Variants in LRRC75A observed in about 807,000 individuals in gnomAD.
The protein encoded by LRRC75A is leucine rich repeat containing 75A, also known as leucine-rich repeat-containing protein 75A.
LRRC75A carries 12 observed loss-of-function variants against 26.0 expected under a neutral mutation model. The ratio of observed to expected loss-of-function variants is 0.46; its 90% confidence interval spans 0.30 to 0.75. The LOEUF (loss-of-function observed/expected upper bound fraction) is 0.75, where lower values mean the gene tolerates loss of function less well. LRRC75A is among the 30% of genes least tolerant of loss of function. LRRC75A has a pLI of 0.08. For synonymous variants in LRRC75A, 223 were observed against 219.3 expected (o/e 1.02, Z -0.15); for missense variants, 410 against 486.6 (o/e 0.84, Z 1.48).
intron 2 of LRRC75A, among the ~76,000 whole-genome samples, chr17:16,448,867 G>A (rs559012990): frequency 1.8e-4 from 28 of 152,326 alleles, no homozygotes; most frequent in African/African-American, 5.8e-4. Context: ...TGTGCGAAAC[G>A]AACTGTCTGC....
At chr17:16,465,190 T>G (rs1439877222) in intron 1 of LRRC75A, among the ~76,000 whole-genome samples, 1 of 152,190 alleles carries the variant, frequency 6.6e-6, no homozygotes, top group Admixed American at 6.5e-5. Flanking sequence ...GCTTTGCCCC[T>G]GGGCACCCCT....
chr17:16,444,563 C>T (rs1177920474), intron 3 of LRRC75A, among the ~76,000 whole-genome samples: 4 of 152,128 alleles, frequency 2.6e-5, no homozygotes, highest in Non-Finnish European at 4.4e-5. Context: ...CACAAAGGAT[C>T]TCTGAGTCCC....
At position 16,462,500 on chromosome 17, in the gene LRRC75A, C is replaced by A; in HGVS notation, c.247-114G>T. 1 of 1,394,758 alleles carries A rather than the reference C, an allele frequency of 7.2e-7. No homozygotes were observed. Among genetic ancestry groups the A allele is most frequent in the Non-Finnish European group, 9.7e-7 (1 of 1,033,222 alleles). The allele number at this position is 1,394,758 out of a possible 1,614,324, so 86.4% of individuals were successfully genotyped here. A position where few individuals can be genotyped will look rare whatever the true frequency, so the allele number is the denominator to read the frequency against. On this transcript the variant is annotated intron_variant, in intron 1 of 3. Transcript: ENST00000470794. The surrounding 1 kb of genome is among the most constrained non-coding windows in gnomAD (Gnocchi z 4.6). ...GAGGCGACTCTGCCTCCCAGAGCCC[C>A]GGTGGGGAGCATCTGCAGAACTTCC...
chr17:16,449,908 C>T (rs1426351075), intron 2 of LRRC75A, among the ~76,000 whole-genome samples: 1 of 152,158 alleles, frequency 6.6e-6, no homozygotes, highest in African/African-American at 2.4e-5. Flanking sequence ...TGAGCCACCG[C>T]GCCCAGGCTG....
chr17:16,476,832 G>A (rs748338328), intron 1 of LRRC75A, among the ~76,000 whole-genome samples: 105 of 148,970 alleles, frequency 7.0e-4, no homozygotes, highest in Non-Finnish European at 1.3e-3. Flanking sequence ...TCCGCCTCCC[G>A]GGTTCACGCC....
rs1344771645 is a variant in LRRC75A, at chr17:16,444,128, G to A, written c.495C>T (p.Leu165=). The change falls in exon 4 of 4, where the codon CTC becomes CTT. Residue 165 remains leucine, a synonymous_variant. Transcript: ENST00000470794. The stretch of plus-strand genomic sequence containing the variant: ...GGGGGCTTCCGGCCAGGACAGCCTT[G>A]AGGCTGAAGGGAAAAAGGACAAACA... ...GLVKRKPQAC[L]KAVLAGSPPD... is the part of the protein sequence containing the mutation. 1 of 1,588,538 alleles carries A rather than the reference G, an allele frequency of 6.3e-7. No homozygotes were observed. The highest frequency in any genetic ancestry group is 1.7e-5 in the Admixed American group (1 of 58,026).
intron 1 of LRRC75A, chr17:16,478,351 AATTTTTGT>A (rs1250741088): frequency 1.3e-5 from 2 of 151,580 alleles, no homozygotes; most frequent in African/African-American, 4.9e-5. Flanking sequence ...ACGCTCAGCT[AATTTTTGT>A]ATTTTTAGTA....
At position 16,453,324 on chromosome 17, in the gene LRRC75A, ACACGCACACG is replaced by A. The variant is rs2093650209; in HGVS notation, c.376-5374_376-5365del. Among the ~76,000 whole-genome samples the A allele has an allele frequency of 5.8e-5, 8 of 138,416 alleles. 1 individual carries two copies. The South Asian group carries it at 1.1e-3, about 19-fold the overall frequency. The allele number at this position is 138,416 out of a possible 152,430, so 90.8% of individuals were successfully genotyped here. On this transcript the variant is annotated intron_variant, in intron 2 of 3. Coordinates refer to ENST00000470794, the MANE Select transcript of LRRC75A (RefSeq NM_001113567.3). ...CACACACACACACGCACACACGCAC[ACACGCACACG>A]CACACACGCACACGCACACACACAC...
rs2093735798 is a variant in LRRC75A, at chr17:16,462,513, C to T, written c.247-127G>A. The T allele has an allele frequency of 3.2e-6, 4 of 1,268,582 alleles. No individual in the cohort carries two copies. Among genetic ancestry groups the T allele is most frequent in the Non-Finnish European group, 4.3e-6 (4 of 927,070 alleles). 78.6% of individuals were successfully genotyped at this position (1,268,582 alleles called of 1,614,324 possible). A position where few individuals can be genotyped will look rare whatever the true frequency, so the allele number is the denominator to read the frequency against. On this transcript the variant is annotated intron_variant, in intron 1 of 3. Transcript: ENST00000470794. This position sits in a 1 kb window ranked among gnomAD's most constrained non-coding sequence, Gnocchi z 4.6. ...CTCCCAGAGCCCCGGTGGGGAGCAT[C>T]TGCAGAACTTCCCTCAGGGGCTGGG...
At chr17:16,479,438 G>A (rs540890791) in intron 1 of LRRC75A, among the ~76,000 whole-genome samples, 109 of 152,344 alleles carry the variant, frequency 7.2e-4, no homozygotes, top group African/African-American at 2.4e-3. Flanking sequence ...AGGCTGCCAA[G>A]TACAGCTGTG....
rs2093556919 is a variant in LRRC75A, at chr17:16,443,920, G to C, written c.703C>G (p.Leu235Val). 1.2e-6 allele frequency: 2 copies of C among 1,613,610 alleles called. No homozygotes were observed. Among genetic ancestry groups the C allele is most frequent in the Non-Finnish European group, 1.7e-6 (2 of 1,179,814 alleles). The change falls in exon 4 of 4, where the codon CTG becomes GTG. Residue 235 changes from leucine (L) to valine (V), a missense_variant. Coordinates refer to ENST00000470794, the MANE Select transcript of LRRC75A (RefSeq NM_001113567.3). ...GTCAACCGGTTGCCATTGAGTGCCA[G>C]TGTGGTGAGGCGGGGCAGGGTGCTG... ...ALSTLPRLTT[L>V]ALNGNRLTRA...
intron 1 of LRRC75A, among the ~76,000 whole-genome samples, chr17:16,480,702 A>T (rs1449232126): frequency 1.4e-5 from 2 of 148,058 alleles, no homozygotes; most frequent in Non-Finnish European, 3.0e-5. Context: ...TATGCTCCCC[A>T]TTCTTCCCCT....
At chr17:16,481,242 TTAC>T (rs774799340) in intron 1 of LRRC75A, among the ~76,000 whole-genome samples, 1 of 151,980 alleles carries the variant, frequency 6.6e-6, no homozygotes. Flanking sequence ...AGGTAGCCTA[TTAC>T]AAGGCCACAG....
chr17:16,443,456 T>C lies in LRRC75A; in HGVS notation c.*132A>G. The C allele has an allele frequency of 1.3e-6, 1 of 769,584 alleles. No homozygotes were observed. Among genetic ancestry groups the C allele is most frequent in the Non-Finnish European group, 2.0e-6 (1 of 500,142 alleles). The allele number at this position is 769,584 out of a possible 1,614,324, so 47.7% of individuals were successfully genotyped here. On this transcript the variant is annotated 3_prime_UTR_variant, in exon 4 of 4. Transcript: ENST00000470794. ...CTTCCCCAGATGATATGGTTTGCCT[T>C]TCTGTAGGTGGGTGGCCCAGGCCAA...
chr17:16,457,742 G>A (rs2093696105), intron 2 of LRRC75A, among the ~76,000 whole-genome samples: 2 of 152,042 alleles, frequency 1.3e-5, no homozygotes, highest in African/African-American at 4.8e-5. Flanking sequence ...AAGGGAGGGG[G>A]ATTGCTTGAG....
At chr17:16,483,582 C>A (rs943333955) in intron 1 of LRRC75A, among the ~76,000 whole-genome samples, 5 of 152,244 alleles carry the variant, frequency 3.3e-5, no homozygotes, top group Non-Finnish European at 5.9e-5. Context: ...CTGGTGGAAT[C>A]TCAGCAGTGG....
At chr17:16,456,766 T>C (rs2093688903) in intron 2 of LRRC75A, among the ~76,000 whole-genome samples, 1 of 152,210 alleles carries the variant, frequency 6.6e-6, no homozygotes, top group Non-Finnish European at 1.5e-5. Flanking sequence ...TCGATATCTG[T>C]AGAACACATT....
chr17:16,452,025 C>CGCGCCTT (rs201202039), intron 2 of LRRC75A, among the ~76,000 whole-genome samples: 2,980 of 150,138 alleles, frequency 0.02, 93 homozygotes, highest in African/African-American at 0.069. Context: ...CGTTAGCCAC[C>CGCGCCTT]GCGCCCGGCC....
At chr17:16,465,433 C>A (rs551695210) in intron 1 of LRRC75A, among the ~76,000 whole-genome samples, 1 of 152,198 alleles carries the variant, frequency 6.6e-6, no homozygotes, top group Non-Finnish European at 1.5e-5. Flanking sequence ...TTGAGGCTGA[C>A]GGTCAGGGGC....
Sources: gnomAD v4.1 joint callset for allele counts (sites outside exome capture counted in the v4.1 genomes callset) on GRCh38, gnomAD v4.1.1 for gene constraint, Gnocchi (gnomAD v3.1) non-coding constraint, MANE v1.5 for transcripts, NCBI Gene and HGNC (gene_info 2026-07-23, HGNC 2026-07-21) for gene names.